The following SYNE2 variants were observed in gnomAD, a reference collection of about 807,000 sequenced individuals.
SYNE2 encodes the protein nesprin-2.
In SYNE2, 431 loss-of-function variants were observed where a neutral mutation model predicts 856.3. That is an observed-to-expected ratio of 0.50 (90% CI 0.47 to 0.55). The LOEUF (loss-of-function observed/expected upper bound fraction) is 0.55. SYNE2 is among the 20% of genes least tolerant of loss of function. The pLI is 0.00. For synonymous variants in SYNE2, 2,923 were observed against 2,872.3 expected (o/e 1.02, Z -0.56); for missense variants, 8,129 against 8,023.2 (o/e 1.01, Z -0.50).
intron 87 of SYNE2, among the ~76,000 whole-genome samples, 177 bp from the exon 88 acceptor site, chr14:64,161,895 G>C (rs1214408210): frequency 6.6e-6 from 1 of 152,150 alleles, no homozygotes; most frequent in Non-Finnish European, 1.5e-5. Flanking sequence ...GCCTAATTTG[G>C]ATTTATTTTT....
chr14:64,183,788 C>T (rs1023715977), intron 96 of SYNE2, among the ~76,000 whole-genome samples: 6 of 152,014 alleles, frequency 3.9e-5, no homozygotes, highest in Non-Finnish European at 7.4e-5. Flanking sequence ...TGGTGGCGTG[C>T]GCCTGCAATC....
intron 63 of SYNE2, among the ~76,000 whole-genome samples, chr14:64,100,514 CAAAAAAA>C (rs35489245): frequency 4.6e-4 from 11 of 23,764 alleles, no homozygotes; most frequent in African/African-American, 1.8e-3. Flanking sequence ...AAAACTGTCT[CAAAAAAA>C]AAAAAAAAAA....
rs557390643 is a variant in SYNE2 at position 64,023,286 on chromosome 14, C to G, written c.5637+423C>G. ...ATAGAGTAATAAGTACTTTGACTTA[C>G]TGATATTTTCACATGAGAGATAATA... On this transcript the variant is annotated intron_variant, in intron 38 of 115. Coordinates refer to ENST00000555002, the MANE Select transcript of SYNE2 (RefSeq NM_182914.3). 121 of 163,848 alleles carry G rather than the reference C, an allele frequency of 7.4e-4. 1 individual carries two copies. Among genetic ancestry groups the G allele is most frequent in the African/African-American group, 2.8e-3 (118 of 41,650 alleles). The allele number at this position is 163,848 out of a possible 1,614,324, so 10.1% of individuals were successfully genotyped here. A position where few individuals can be genotyped will look rare whatever the true frequency, so the allele number is the denominator to read the frequency against.
chr14:64,141,234 A>G lies in SYNE2; in HGVS notation c.14977-107A>G, dbSNP rs1001637613. 4.4e-5 allele frequency: 38 copies of G among 866,042 alleles called. 1 individual carries two copies. The highest frequency in any genetic ancestry group is 3.3e-4 in the Middle Eastern group (1 of 3,006). The allele number at this position is 866,042 out of a possible 1,614,324, so 53.6% of individuals were successfully genotyped here. A position where few individuals can be genotyped will look rare whatever the true frequency, so the allele number is the denominator to read the frequency against. ...GGTGTGTGTGTGTGTGTGTATACAC[A>G]TTCGTATATTTACTATGTTTATTTG... On this transcript the variant is annotated intron_variant, in intron 80 of 115. Coordinates refer to ENST00000555002, the MANE Select transcript of SYNE2 (RefSeq NM_182914.3).
intron 1 of SYNE2, among the ~76,000 whole-genome samples, chr14:63,799,013 A>C (rs1888030840): frequency 6.6e-6 from 1 of 152,194 alleles, no homozygotes; most frequent in Non-Finnish European, 1.5e-5. Flanking sequence ...AGATGCTGGA[A>C]ACCTTTTCTA....
At chr14:63,806,228 T>C (rs182106366) in intron 1 of SYNE2, among the ~76,000 whole-genome samples, 12 of 152,352 alleles carry the variant, frequency 7.9e-5, no homozygotes, top group Admixed American at 3.3e-4. Context: ...TCTGTGTCTG[T>C]TGAGATGATC....
At chr14:64,115,499 C>T (rs1174886947) in intron 66 of SYNE2, among the ~76,000 whole-genome samples, 1 of 152,120 alleles carries the variant, frequency 6.6e-6, no homozygotes, top group Non-Finnish European at 1.5e-5. Context: ...GCAGCAGAGG[C>T]TTGGGATTTT....
At chr14:64,220,238 G>T (rs1361669902) in intron 110 of SYNE2, among the ~76,000 whole-genome samples, 199 bp from the exon 111 acceptor site, 1 of 152,144 alleles carries the variant, frequency 6.6e-6, no homozygotes, top group African/African-American at 2.4e-5. Flanking sequence ...CTACTTTGGG[G>T]CCCTGTTGGC....
At chr14:64,114,146 G>C (rs2097835574) in intron 66 of SYNE2, among the ~76,000 whole-genome samples, 1 of 152,106 alleles carries the variant, frequency 6.6e-6, no homozygotes, top group Admixed American at 6.5e-5. Flanking sequence ...ATTTTACTAG[G>C]AATGCCCTGG....
chr14:64,138,954 T>TATGTATG (rs1365192307), intron 79 of SYNE2, among the ~76,000 whole-genome samples: 1 of 108,816 alleles, frequency 9.2e-6, no homozygotes, highest in Non-Finnish European at 1.9e-5. Flanking sequence ...ATGGTGTGTG[T>TATGTATG]GTGTGTGTGT....
At position 64,053,045 on chromosome 14, in the gene SYNE2, A is replaced by T; in HGVS notation, c.9132A>T (p.Glu3044Asp). ...AGCAGTTGGACACATTTGAGGAAGAACATGGCAAATATCAGGCATTATTAA... is the reference window on the plus strand; with the variant it reads ...AGCAGTTGGACACATTTGAGGAAGATCATGGCAAATATCAGGCATTATTAA... ...KIKQLDTFEE[E>D]HGKYQALLSK... is the part of the protein sequence containing the mutation. Residue 3044 changes from glutamate (E) to aspartate (D), a missense_variant, in exon 48 of 116, where the codon GAA (glutamate) becomes GAT (aspartate). Physicochemically the swap from Glu to Asp is conservative, Grantham distance 45. This residue lies in a region of SYNE2 where 5,410 missense variants were observed against 5,284.8 expected (regional missense o/e 1.02). Coordinates refer to ENST00000555002, the MANE Select transcript of SYNE2 (RefSeq NM_182914.3). 1.2e-6 allele frequency: 2 copies of T among 1,614,060 alleles called. No homozygotes were observed. The highest frequency in any genetic ancestry group is 1.7e-6 in the Non-Finnish European group (2 of 1,180,012).
At position 64,199,022 on chromosome 14, in the gene SYNE2, A is replaced by G. The variant is rs532944895; in HGVS notation, c.18039-3779A>G. On this transcript the variant is annotated intron_variant, in intron 99 of 115. Coordinates refer to ENST00000555002, the MANE Select transcript of SYNE2 (RefSeq NM_182914.3). ...AATCCTCAGGGTCTGTGCAGGATCC[A>G]AGACAAGGCAAATGGTTAAGTGTTT... Among the ~76,000 whole-genome samples, 3 of 152,340 alleles carry G rather than the reference A, an allele frequency of 2.0e-5. No individual in the cohort carries two copies. In the South Asian group the frequency reaches 6.2e-4, roughly 32 times the overall value.
intron 8 of SYNE2, among the ~76,000 whole-genome samples, chr14:63,959,919 A>G (rs781252316): frequency 6.6e-6 from 1 of 152,236 alleles, no homozygotes; most frequent in Non-Finnish European, 1.5e-5. Context: ...TAGTAAAAAC[A>G]AATTTCCTCC....
intron 1 of SYNE2, among the ~76,000 whole-genome samples, chr14:63,801,470 G>A (rs775330166): frequency 8.5e-5 from 13 of 152,128 alleles, no homozygotes; most frequent in Non-Finnish European, 1.5e-4. Flanking sequence ...TCGGGAGTTC[G>A]AGACCTCGAG....
At chr14:63,994,025 G>A in intron 22 of SYNE2, 56 bp downstream of exon 22, 2 of 1,584,186 alleles carry the variant, frequency 1.3e-6, no homozygotes, top group Non-Finnish European at 1.7e-6. Flanking sequence ...ATCCTGGGCT[G>A]TTGGTTGTCA....
intron 1 of SYNE2, among the ~76,000 whole-genome samples, chr14:63,803,555 C>T (rs753572992): frequency 2.0e-5 from 3 of 152,200 alleles, no homozygotes; most frequent in African/African-American, 4.8e-5. Context: ...CCGGCTGCTC[C>T]GAGTGCGGGG....
rs551737755 is a variant in SYNE2 at position 63,909,231 on chromosome 14, A to G, written c.79+4A>G. The G allele has an allele frequency of 1.2e-6, 2 of 1,607,686 alleles. No individual in the cohort carries two copies. Among genetic ancestry groups the G allele is most frequent in the African/African-American group, 1.3e-5 (1 of 74,554 alleles). Reference sequence around the variant, plus strand: ...GATCTCCATATTTCATTGCAAGGTAATTAAGATTGGGTGGGGGTAACACCC... The same window carrying G: ...GATCTCCATATTTCATTGCAAGGTAGTTAAGATTGGGTGGGGGTAACACCC... On this transcript the variant is annotated splice_donor_region_variant and intron_variant, in intron 2 of 115. Transcript: ENST00000555002.
intron 100 of SYNE2, 31 bp from the exon 101 acceptor site, chr14:64,208,727 C>G (rs761896071): frequency 6.2e-7 from 1 of 1,613,388 alleles, no homozygotes; most frequent in African/African-American, 1.3e-5. Flanking sequence ...ACCAACATCT[C>G]AAGAGGTTTC....
intron 51 of SYNE2, among the ~76,000 whole-genome samples, chr14:64,070,327 T>C (rs944775531): frequency 1.3e-5 from 2 of 152,240 alleles, no homozygotes; most frequent in Non-Finnish European, 2.9e-5. Context: ...GGAGCTCATG[T>C]GCTTATCTCA....
Sources: gnomAD v4.1 joint callset for allele counts (sites outside exome capture counted in the v4.1 genomes callset) on GRCh38, gnomAD v4.1.1 for gene constraint, gnomAD v4.1.1 regional missense constraint, MANE v1.5 for transcripts, NCBI Gene and HGNC (gene_info 2026-07-23, HGNC 2026-07-21) for gene names.